Variants in TTLL12 observed in about 807,000 individuals in gnomAD.
The protein encoded by TTLL12 is tubulin--tyrosine ligase-like protein 12.
TTLL12 carries 77 observed loss-of-function variants against 79.6 expected under a neutral mutation model. That is an observed-to-expected ratio of 0.97 (90% CI 0.81 to 1.17). TTLL12 has a LOEUF of 1.17. Ranked by LOEUF, TTLL12 falls within the 50% of genes most tolerant of loss-of-function variation. TTLL12 has a pLI of 0.00. For synonymous variants in TTLL12, 437 were observed against 376.1 expected (o/e 1.16, Z -1.87); for missense variants, 969 against 895.9 (o/e 1.08, Z -1.04).
intron 9 of TTLL12, 68 bp from the exon 10 acceptor site, chr22:43,172,622 A>C: frequency 1.3e-6 from 2 of 1,585,474 alleles, no homozygotes; most frequent in Non-Finnish European, 1.7e-6. Flanking sequence ...GAGCACACAA[A>C]GCCACGCAGG....
chr22:43,182,460 C>G (rs1429376428), intron 2 of TTLL12, among the ~76,000 whole-genome samples: 2 of 152,242 alleles, frequency 1.3e-5, no homozygotes, highest in Non-Finnish European at 2.9e-5. Flanking sequence ...GATGGGCCTG[C>G]AGGCCTGACC....
Position 43,187,095 on chromosome 22 carries a change from G to GCGCCGCCACCGC in TTLL12, c.-38_-27dup, listed in dbSNP as rs1555982285. The stretch of plus-strand genomic sequence containing the variant: ...GGCGCCAGCACCCGCGCCGACTCCA[G>GCGCCGCCACCGC]CGCCGCCACCGCCGCCGCCGCCCGC... On this transcript the variant is annotated 5_prime_UTR_variant, in exon 1 of 14. Coordinates refer to ENST00000216129, the MANE Select transcript of TTLL12 (RefSeq NM_015140.4). The GCGCCGCCACCGC allele has an allele frequency of 2.7e-6, 3 of 1,112,952 alleles. No homozygotes were observed. Among genetic ancestry groups the GCGCCGCCACCGC allele is most frequent in the Non-Finnish European group, 3.3e-6 (3 of 914,410 alleles). 68.9% of individuals were successfully genotyped at this position (1,112,952 alleles called of 1,614,324 possible).
chr22:43,182,349 C>A (rs1048756700), intron 2 of TTLL12, among the ~76,000 whole-genome samples: 16 of 152,184 alleles, frequency 1.1e-4, no homozygotes, highest in Admixed American at 1.0e-3. Flanking sequence ...GAGGAGGAGG[C>A]GGGAGAAGCT....
At chr22:43,178,684 TAGTG>T (rs1479389367) in intron 5 of TTLL12, among the ~76,000 whole-genome samples, 1 of 152,074 alleles carries the variant, frequency 6.6e-6, no homozygotes, top group Non-Finnish European at 1.5e-5. Context: ...CCGAGGCACT[TAGTG>T]AGCGCCTGGT....
In TTLL12 at chr22:43,187,120, C is replaced by T. The variant is rs1223557380; in HGVS notation, c.-51G>A. ...GCGCCGCCACCGCCGCCGCCGCCCG[C>T]CGTCCGTCGGCCCTGCCCTCCCGCC... On this transcript the variant is annotated 5_prime_UTR_variant, in exon 1 of 14. Transcript: ENST00000216129. 3 of 1,050,608 alleles carry T rather than the reference C, an allele frequency of 2.9e-6. No homozygotes were observed. The East Asian group carries it at 2.3e-4, about 79-fold the overall frequency. 65.1% of individuals were successfully genotyped at this position (1,050,608 alleles called of 1,614,324 possible). A position where few individuals can be genotyped will look rare whatever the true frequency, so the allele number is the denominator to read the frequency against.
chr22:43,178,361 T>G (rs1415103301), intron 5 of TTLL12, among the ~76,000 whole-genome samples: 16 of 150,838 alleles, frequency 1.1e-4, no homozygotes, highest in Admixed American at 1.3e-4. Flanking sequence ...TCGCTCTGTT[T>G]CTCAGGCTGG....
chr22:43,186,242 CAAT>C, intron 1 of TTLL12, among the ~76,000 whole-genome samples: 1 of 150,672 alleles, frequency 6.6e-6, no homozygotes, highest in Non-Finnish European at 1.5e-5. Context: ...TCTGGGCACG[CAAT>C]AAAAATCCAG....
chr22:43,173,614 G>T, intron 9 of TTLL12, 101 bp downstream of exon 9: 2 of 1,132,054 alleles, frequency 1.8e-6, no homozygotes, highest in Non-Finnish European at 1.3e-6. Context: ...TGCCCAGCCT[G>T]GACCTGTCCA....
Position 43,173,753 on chromosome 22 carries a change from G to C in TTLL12, c.1303C>G (p.Leu435Val), listed in dbSNP as rs780198935. 1.9e-6 allele frequency: 3 copies of C among 1,604,332 alleles called. No individual in the cohort carries two copies. The highest frequency in any genetic ancestry group is 3.3e-5 in the Admixed American group (2 of 59,998). Residue 435 changes from leucine (L) to valine (V), a missense_variant, in exon 9 of 14, where the codon CTG becomes GTG. Physicochemically the swap from Leu to Val is conservative, Grantham distance 32 (BLOSUM62 1). Coordinates refer to ENST00000216129, the MANE Select transcript of TTLL12 (RefSeq NM_015140.4). ...RSLDTHVTKS[L>V]HSIIRHREST... Reference sequence around the variant, plus strand: ...TCTCGGTGCCGGATGATGCTGTGCAGGCTCTTGGTGACGTGGGTGTCCAGG... The same window carrying C: ...TCTCGGTGCCGGATGATGCTGTGCACGCTCTTGGTGACGTGGGTGTCCAGG...
chr22:43,180,151 G>A, intron 3 of TTLL12, 151 bp from the exon 4 acceptor site: 1 of 930,458 alleles, frequency 1.1e-6, no homozygotes, highest in Non-Finnish European at 1.6e-6. Flanking sequence ...GCTAAGCTAG[G>A]GGCTCCGGGA....
At chr22:43,173,606 C>T in intron 9 of TTLL12, 109 bp downstream of exon 9, 2 of 1,051,564 alleles carry the variant, frequency 1.9e-6, no homozygotes, top group Non-Finnish European at 2.7e-6. Context: ...AGCCACCCTG[C>T]CCAGCCTGGA....
At chr22:43,179,508 C>G (rs1931996978) in intron 5 of TTLL12, 111 bp downstream of exon 5, 1 of 1,397,892 alleles carries the variant, frequency 7.2e-7, no homozygotes, top group African/African-American at 1.5e-5. Context: ...CCCACGGTAA[C>G]TGGCTCAGGG....
intron 12 of TTLL12, 120 bp downstream of exon 12, chr22:43,169,380 T>C: frequency 1.2e-6 from 1 of 859,412 alleles, no homozygotes; most frequent in Non-Finnish European, 1.8e-6. Flanking sequence ...AATGACCAAC[T>C]GCAGGGGACA....
chr22:43,167,812 C>T lies in TTLL12; in HGVS notation c.*196G>A. ...CTGGGGACACCATCACTGTCCTGCT[C>T]TGACCCACAGGTGAGAGGAGGATGC... On this transcript the variant is annotated 3_prime_UTR_variant, in exon 14 of 14. Transcript: ENST00000216129. The T allele has an allele frequency of 4.8e-6, 3 of 622,410 alleles. No homozygotes were observed. Among genetic ancestry groups the T allele is most frequent in the Non-Finnish European group, 5.5e-6 (2 of 364,194 alleles). 38.6% of individuals were successfully genotyped at this position (622,410 alleles called of 1,614,324 possible).
intron 6 of TTLL12, among the ~76,000 whole-genome samples, chr22:43,176,070 G>A (rs563102657): frequency 1.3e-5 from 2 of 150,812 alleles, no homozygotes; most frequent in Admixed American, 6.6e-5. Flanking sequence ...GGGTGACAGA[G>A]ACAGACTCTG....
In TTLL12 at chr22:43,179,625, G is replaced by T; in HGVS notation, c.834C>A (p.His278Gln). ...GGGTGGAGGAGGGCTGCACCTGGTA[G>T]TGCTCGGCGGGCGGCTCGGGTGTGC... ...SSCTPEPPAEHYQAILEENKE... is the reference protein window; with the variant it reads ...SSCTPEPPAEQYQAILEENKE... The change falls in exon 5 of 14, where the codon CAC becomes CAA. Residue 278 changes from histidine (H) to glutamine (Q), a missense_variant. Physicochemically the swap from His to Gln is conservative, Grantham distance 24 (BLOSUM62 0). Coordinates refer to ENST00000216129, the MANE Select transcript of TTLL12 (RefSeq NM_015140.4). 6.3e-7 allele frequency: 1 copy of T among 1,582,530 alleles called. No homozygotes were observed. Among genetic ancestry groups the T allele is most frequent in the African/African-American group, 1.4e-5 (1 of 73,940 alleles).
In TTLL12 at chr22:43,180,734, C is replaced by G; in HGVS notation, c.546+8G>C. ...CTCCCCCTCCCCGGGGCCCAGCTAC[C>G]CACTCACCCCATGGGCCAGCTGGTA... is the stretch of plus-strand genomic sequence containing the variant. On this transcript the variant is annotated splice_region_variant and intron_variant, in intron 3 of 13. Coordinates refer to ENST00000216129, the MANE Select transcript of TTLL12 (RefSeq NM_015140.4). 1.2e-6 allele frequency: 2 copies of G among 1,612,678 alleles called. No individual in the cohort carries two copies. The highest frequency in any genetic ancestry group is 3.3e-5 in the Admixed American group (2 of 60,002).
chr22:43,177,571 G>A (rs944665588), intron 5 of TTLL12, among the ~76,000 whole-genome samples: 7 of 152,098 alleles, frequency 4.6e-5, no homozygotes, highest in East Asian at 1.9e-4. Flanking sequence ...TCTCTCCCTC[G>A]GATCACTTGC....
At chr22:43,182,937 C>A in intron 2 of TTLL12, 43 bp downstream of exon 2, 1 of 1,596,012 alleles carries the variant, frequency 6.3e-7, no homozygotes, top group Non-Finnish European at 8.6e-7. Context: ...TCCCACCTTT[C>A]ACCAAGTGAA....
Sources: allele counts gnomAD v4.1 joint callset (sites outside exome capture counted in the v4.1 genomes callset), GRCh38; gene constraint gnomAD v4.1.1; transcripts MANE v1.5; gene names NCBI Gene and HGNC (gene_info 2026-07-23, HGNC 2026-07-21).